Variants in TTC28 observed in about 807,000 individuals in gnomAD.
TTC28 encodes the protein tetratricopeptide repeat domain 28.
In TTC28, 61 loss-of-function variants were observed where a neutral mutation model predicts 198.0. The observed-to-expected ratio is 0.31, with a 90% confidence interval of 0.25 to 0.38. TTC28 has a LOEUF of 0.38. Among genes scored for constraint, TTC28 ranks in the 10% least tolerant of loss-of-function variants. The probability of loss-of-function intolerance (pLI) is 1.00; values close to 1 mark genes in which losing one functional copy is unlikely to be tolerated. For synonymous variants in TTC28, 1,171 were observed against 1,297.8 expected (o/e 0.90, Z 2.10); for missense variants, 2,678 against 3,164.0 (o/e 0.85, Z 3.69).
At chr22:28,493,538 A>G (rs2146349014) in intron 2 of TTC28, among the ~76,000 whole-genome samples, 1 of 152,338 alleles carries the variant, frequency 6.6e-6, no homozygotes, top group African/African-American at 2.4e-5. Flanking sequence ...GATGTTTTCC[A>G]TCTAATAAAT....
Position 28,297,590 on chromosome 22 carries a change from G to A in TTC28, c.792C>T (p.Ala264=). The change falls in exon 4 of 23, where the codon GCC becomes GCT. Residue 264 remains alanine, a synonymous_variant. Coordinates refer to ENST00000397906, the MANE Select transcript of TTC28 (RefSeq NM_001145418.2). ...TGYMQQDLDV[A]KTLGDQTGEC... is the part of the protein sequence containing the mutation. Reference sequence around the variant, plus strand: ...GAAGCATCACTCTACCTAAGGTCTTGGCTACATCCAAGTCCTGCTGCATAT... The same window carrying A: ...GAAGCATCACTCTACCTAAGGTCTTAGCTACATCCAAGTCCTGCTGCATAT... 6.4e-7 allele frequency: 1 copy of A among 1,551,164 alleles called. No individual in the cohort carries two copies. Among genetic ancestry groups the A allele is most frequent in the Non-Finnish European group, 8.7e-7 (1 of 1,146,658 alleles).
chr22:28,198,540 C>G (rs1393328936), intron 5 of TTC28, among the ~76,000 whole-genome samples: 1 of 152,062 alleles, frequency 6.6e-6, no homozygotes, highest in African/African-American at 2.4e-5. Flanking sequence ...ATTTTTAAAA[C>G]ATTTAATGAC....
intron 2 of TTC28, among the ~76,000 whole-genome samples, chr22:28,504,610 C>T (rs559353596): frequency 2.6e-5 from 4 of 152,268 alleles, no homozygotes; most frequent in Admixed American, 6.5e-5. Flanking sequence ...AGTATTTCAA[C>T]GTAATAGGCA....
At chr22:28,268,789 C>T (rs1381612749) in intron 5 of TTC28, among the ~76,000 whole-genome samples, 1 of 152,108 alleles carries the variant, frequency 6.6e-6, no homozygotes, top group South Asian at 2.1e-4. Flanking sequence ...ATGTTAGCTC[C>T]TAGACACCCT....
chr22:28,525,943 T>G (rs2048996414), intron 2 of TTC28, among the ~76,000 whole-genome samples: 1 of 152,204 alleles, frequency 6.6e-6, no homozygotes, highest in Admixed American at 6.5e-5. Flanking sequence ...AAGTATCATA[T>G]GAATTCATCA....
intron 2 of TTC28, among the ~76,000 whole-genome samples, chr22:28,355,842 A>C (rs538595304): frequency 6.1e-4 from 93 of 152,336 alleles, no homozygotes; most frequent in Non-Finnish European, 1.5e-5. Context: ...TATGGAGTCC[A>C]GAACAACGAA....
chr22:28,409,923 T>A (rs968269325), intron 2 of TTC28, among the ~76,000 whole-genome samples: 2 of 20,326 alleles, frequency 9.8e-5, no homozygotes, highest in African/African-American at 4.6e-4. Context: ...GCCAAAGTGC[T>A]AAGTGTTTTT....
At chr22:28,648,702 A>G (rs778266204) in intron 1 of TTC28, among the ~76,000 whole-genome samples, 8 of 152,190 alleles carry the variant, frequency 5.3e-5, no homozygotes, top group Non-Finnish European at 1.2e-4. Context: ...TGAGCTCCAG[A>G]ATTCGAGACC....
chr22:28,533,905 T>C (rs1003066780), intron 2 of TTC28, among the ~76,000 whole-genome samples: 2 of 152,118 alleles, frequency 1.3e-5, no homozygotes, highest in Non-Finnish European at 2.9e-5. Context: ...GTACAAAAAT[T>C]AATTCAAGAT....
intron 5 of TTC28, among the ~76,000 whole-genome samples, chr22:28,194,019 T>C (rs1013419649): frequency 6.6e-6 from 1 of 152,116 alleles, no homozygotes; most frequent in Non-Finnish European, 1.5e-5. Context: ...TATTCCAAAA[T>C]TGACCACATA....
At chr22:28,304,978 AT>A (rs1367504319) in intron 3 of TTC28, among the ~76,000 whole-genome samples, 15 of 149,340 alleles carry the variant, frequency 1.0e-4, no homozygotes, top group Admixed American at 2.7e-4. Context: ...TTTATTATTT[AT>A]TTATTTATTT....
chr22:27,989,026 C>CAAAAG (rs1195092433), intron 21 of TTC28, among the ~76,000 whole-genome samples: 1 of 152,200 alleles, frequency 6.6e-6, no homozygotes, highest in Non-Finnish European at 1.5e-5. Flanking sequence ...AACAGGTGTT[C>CAAAAG]AAAAGAAACC....
At chr22:28,271,116 T>A (rs993563384) in intron 5 of TTC28, among the ~76,000 whole-genome samples, 18 of 144,100 alleles carry the variant, frequency 1.2e-4, no homozygotes, top group Admixed American at 9.0e-4. Context: ...TTTTCAGTAT[T>A]TTTTTTTTTT....
rs1030894860 is a variant in TTC28 at position 28,581,297 on chromosome 22, C to T, written c.381+48255G>A. ...TGATTCTAAGTTTCCTGAGGCCTCC[C>T]CAGCCACAGTACCCGTAAAGCCGGA... On this transcript the variant is annotated intron_variant, in intron 2 of 22. Coordinates refer to ENST00000397906, the MANE Select transcript of TTC28 (RefSeq NM_001145418.2). 6.6e-5 allele frequency among the ~76,000 whole-genome samples: 10 copies of T among 152,290 alleles called. No individual in the cohort carries two copies. In the South Asian group the frequency reaches 1.9e-3, roughly 28 times the overall value.
chr22:28,129,817 T>G (rs899391327), intron 6 of TTC28, among the ~76,000 whole-genome samples: 1 of 152,212 alleles, frequency 6.6e-6, no homozygotes, highest in African/African-American at 2.4e-5. Flanking sequence ...TCCTCTGAAC[T>G]TAATGTGAGT....
At chr22:28,116,194 C>T (rs1036420124) in intron 6 of TTC28, among the ~76,000 whole-genome samples, 2 of 152,082 alleles carry the variant, frequency 1.3e-5, no homozygotes, top group African/African-American at 4.8e-5. Flanking sequence ...AGTGACGAGC[C>T]CACTGGAACC....
intron 5 of TTC28, among the ~76,000 whole-genome samples, chr22:28,234,038 C>A (rs928682916): frequency 1.3e-5 from 2 of 151,910 alleles, no homozygotes; most frequent in Non-Finnish European, 2.9e-5. Flanking sequence ...TCCCGAGTAG[C>A]TGGGACTATA....
At chr22:28,267,428 G>A (rs997495380) in intron 5 of TTC28, among the ~76,000 whole-genome samples, 3 of 152,184 alleles carry the variant, frequency 2.0e-5, no homozygotes, top group African/African-American at 7.2e-5. Context: ...ACAGCTAGGT[G>A]CCAGGGCAAA....
At chr22:28,326,720 A>G (rs1346171532) in intron 2 of TTC28, among the ~76,000 whole-genome samples, 1 of 152,102 alleles carries the variant, frequency 6.6e-6, no homozygotes, top group Non-Finnish European at 1.5e-5. Context: ...AAATGTTATA[A>G]ACCGATTTCT....
Sources: allele counts gnomAD v4.1 joint callset (sites outside exome capture counted in the v4.1 genomes callset), GRCh38; gene constraint gnomAD v4.1.1; transcripts MANE v1.5; gene names NCBI Gene and HGNC (gene_info 2026-07-23, HGNC 2026-07-21).